BMPR1B: variants seen among roughly 807,000 people sequenced by gnomAD.
BMPR1B encodes bone morphogenetic protein receptor type-1B.
In BMPR1B, 12 loss-of-function variants were observed where a neutral mutation model predicts 59.1. The ratio of observed to expected loss-of-function variants is 0.20; its 90% CI spans 0.13 to 0.33. The LOEUF (loss-of-function observed/expected upper bound fraction) is 0.33. Ranked by LOEUF, BMPR1B falls within the 10% of genes least tolerant of loss-of-function variation. The pLI is 1.00. For missense variants in BMPR1B, 550 were observed against 610.9 expected (o/e 0.90, Z 1.05); for synonymous variants, 237 against 207.3 (o/e 1.14, Z -1.23).
intron 4 of BMPR1B, among the ~76,000 whole-genome samples, chr4:95,113,135 A>G (rs757354335): frequency 5.9e-5 from 9 of 152,126 alleles, no homozygotes; most frequent in Non-Finnish European, 1.2e-4. Context: ...AGATATTTTA[A>G]TTATTCCCTT....
intron 3 of BMPR1B, among the ~76,000 whole-genome samples, chr4:95,083,402 A>G (rs1330914547): frequency 6.6e-6 from 1 of 152,174 alleles, no homozygotes; most frequent in Non-Finnish European, 1.5e-5. Flanking sequence ...CTACAGGCTG[A>G]TATTTGTTGT....
chr4:94,981,838 C>T (rs751961073), intron 2 of BMPR1B, among the ~76,000 whole-genome samples: 7 of 152,120 alleles, frequency 4.6e-5, no homozygotes, highest in Non-Finnish European at 5.9e-5. Flanking sequence ...AGTAAATCAG[C>T]TTCACTTTTC....
At chr4:95,088,134 A>C (rs2149244974) in intron 3 of BMPR1B, among the ~76,000 whole-genome samples, 1 of 152,286 alleles carries the variant, frequency 6.6e-6, no homozygotes, top group Non-Finnish European at 1.5e-5. Context: ...TGACATCAGC[A>C]GCTTATTTCT....
At chr4:95,127,410 A>G (rs1732985922) in intron 8 of BMPR1B, among the ~76,000 whole-genome samples, 2 of 152,156 alleles carry the variant, frequency 1.3e-5, no homozygotes, top group African/African-American at 4.8e-5. Context: ...TTCCTATTCT[A>G]TCAAGTATCG....
chr4:94,862,939 C>T (rs1367105773), intron 1 of BMPR1B, among the ~76,000 whole-genome samples: 3 of 130,254 alleles, frequency 2.3e-5, no homozygotes, highest in Non-Finnish European at 3.2e-5. Flanking sequence ...AGCGAGACTC[C>T]GTCTCAAAAA....
chr4:94,895,306 G>A (rs1419745409), intron 2 of BMPR1B, among the ~76,000 whole-genome samples: 1 of 151,922 alleles, frequency 6.6e-6, no homozygotes, highest in East Asian at 1.9e-4. Flanking sequence ...ACATCATTGT[G>A]TCTTTCACAA....
At chr4:94,874,358 A>G (rs1260604597) in intron 1 of BMPR1B, among the ~76,000 whole-genome samples, 1 of 152,126 alleles carries the variant, frequency 6.6e-6, no homozygotes, top group Non-Finnish European at 1.5e-5. Flanking sequence ...TTCTGTTTTT[A>G]GAATGGAAAG....
intron 2 of BMPR1B, among the ~76,000 whole-genome samples, chr4:94,952,158 TATTA>T (rs1729967484): frequency 6.6e-6 from 1 of 152,186 alleles, no homozygotes; most frequent in South Asian, 2.1e-4. Context: ...TTTTCTTCTT[TATTA>T]GTCTGGCTAG....
At chr4:95,049,887 A>C (rs2149186115) in intron 3 of BMPR1B, among the ~76,000 whole-genome samples, 1 of 152,246 alleles carries the variant, frequency 6.6e-6, no homozygotes, top group African/African-American at 2.4e-5. Flanking sequence ...ATAGTTCAAA[A>C]TCAGAAATGG....
chr4:94,826,114 G>A (rs1462013160), intron 1 of BMPR1B, among the ~76,000 whole-genome samples: 1 of 152,132 alleles, frequency 6.6e-6, no homozygotes, highest in Non-Finnish European at 1.5e-5. Flanking sequence ...ATAAGGGCCA[G>A]TCAATAGATA....
intron 3 of BMPR1B, among the ~76,000 whole-genome samples, chr4:95,053,675 A>G (rs1052645357): frequency 6.6e-6 from 1 of 152,154 alleles, no homozygotes; most frequent in African/African-American, 2.4e-5. Flanking sequence ...AGGACTGTGA[A>G]CATCCAACAG....
chr4:94,775,470 CT>C (rs1454469530), intron 1 of BMPR1B, among the ~76,000 whole-genome samples: 5 of 152,106 alleles, frequency 3.3e-5, no homozygotes, highest in East Asian at 1.9e-4. Flanking sequence ...AAGTTGTTTC[CT>C]TTTTTTCCAA....
chr4:95,097,273 G>C (rs1730500139), intron 3 of BMPR1B, among the ~76,000 whole-genome samples: 1 of 150,972 alleles, frequency 6.6e-6, no homozygotes, highest in Non-Finnish European at 1.5e-5. Flanking sequence ...AGGGACAAAG[G>C]AATAAAAGAA....
At chr4:94,985,054 G>T (rs894063447) in intron 2 of BMPR1B, among the ~76,000 whole-genome samples, 2 of 152,140 alleles carry the variant, frequency 1.3e-5, no homozygotes, top group African/African-American at 2.4e-5. Flanking sequence ...TGAACAGATG[G>T]CATGGTACGT....
intron 3 of BMPR1B, chr4:95,051,895 C>A: frequency 1.1e-6 from 1 of 898,798 alleles, no homozygotes; most frequent in Non-Finnish European, 1.6e-6. Context: ...GTTCCATCCC[C>A]CATTCTCCAA....
intron 2 of BMPR1B, among the ~76,000 whole-genome samples, chr4:94,969,903 A>G (rs1161424594): frequency 6.6e-6 from 1 of 152,210 alleles, no homozygotes; most frequent in Non-Finnish European, 1.5e-5. Context: ...TCTAACAAAG[A>G]ATTAATGATC....
chr4:94,847,268 CA>C (rs551285663), intron 1 of BMPR1B, among the ~76,000 whole-genome samples: 28 of 151,988 alleles, frequency 1.8e-4, no homozygotes, highest in Non-Finnish European at 3.1e-4. Flanking sequence ...GGCTTTTATC[CA>C]AAAAACAGGC....
intron 3 of BMPR1B, among the ~76,000 whole-genome samples, chr4:95,027,987 A>G (rs926390549): frequency 2.6e-5 from 4 of 152,276 alleles, no homozygotes; most frequent in African/African-American, 7.2e-5. Flanking sequence ...TCTTCAGTGC[A>G]GAGGCAATAG....
At chr4:94,863,276 C>T (rs1265611160) in intron 1 of BMPR1B, among the ~76,000 whole-genome samples, 3 of 152,134 alleles carry the variant, frequency 2.0e-5, no homozygotes, top group Non-Finnish European at 2.9e-5. Context: ...CCAAACCCTA[C>T]GACACACAAT....
Sources: allele counts gnomAD v4.1 joint callset (sites outside exome capture counted in the v4.1 genomes callset), GRCh38; gene constraint gnomAD v4.1.1; transcripts MANE v1.5; gene names NCBI Gene and HGNC (gene_info 2026-07-23, HGNC 2026-07-21).